ABCE1: variants seen among roughly 807,000 people sequenced by gnomAD.
The protein encoded by ABCE1 is ATP binding cassette subfamily E member 1, also known as ATP-binding cassette sub-family E member 1.
Under a neutral mutation model 83.4 loss-of-function variants are expected in ABCE1, and 22 were observed. The ratio of observed to expected loss-of-function variants is 0.26; its 90% CI spans 0.19 to 0.38. The LOEUF (loss-of-function observed/expected upper bound fraction) is 0.38. ABCE1 is among the 10% of genes least tolerant of loss of function. The probability of loss-of-function intolerance (pLI) is 1.00; values close to 1 mark genes in which losing one functional copy is unlikely to be tolerated. For synonymous variants in ABCE1, 204 were observed against 233.7 expected (o/e 0.87, Z 1.16); for missense variants, 330 against 721.9 (o/e 0.46, Z 6.22).
chr4:145,119,796 ACTT>A (rs1353226774), intron 10 of ABCE1, 133 bp from the exon 11 acceptor site: 2 of 617,684 alleles, frequency 3.2e-6, no homozygotes, highest in African/African-American at 1.9e-5. Flanking sequence ...TTTTTAAGTT[ACTT>A]CTTTATATGC....
intron 1 of ABCE1, among the ~76,000 whole-genome samples, chr4:145,099,253 AT>A (rs1358375267): frequency 6.6e-6 from 1 of 152,094 alleles, no homozygotes; most frequent in East Asian, 1.9e-4. Flanking sequence ...ACATAAGCTT[AT>A]TTTCTCTTTT....
At position 145,129,490 on chromosome 4, in the gene ABCE1, A is replaced by C. The variant is rs1398477303; in HGVS notation, c.*1917A>C. ...TACTACCATTTTTGTGAAAATATAC[A>C]AAATATTGAAATAAAGGAATACTCA... On this transcript the variant is annotated 3_prime_UTR_variant, in exon 18 of 18. Coordinates refer to ENST00000296577, the MANE Select transcript of ABCE1 (RefSeq NM_002940.3). Among the ~76,000 whole-genome samples, 1 of 152,210 alleles carries C rather than the reference A, an allele frequency of 6.6e-6. No individual in the cohort carries two copies. Among genetic ancestry groups the C allele is most frequent in the Admixed American group, 6.5e-5 (1 of 15,284 alleles).
In ABCE1 at chr4:145,123,365, T is replaced by A; in HGVS notation, c.1517+8T>A. The A allele has an allele frequency of 6.2e-7, 1 of 1,600,548 alleles. No individual in the cohort carries two copies. Among genetic ancestry groups the A allele is most frequent in the Non-Finnish European group, 8.5e-7 (1 of 1,172,202 alleles). On this transcript the variant is annotated splice_region_variant and intron_variant, in intron 15 of 17. Coordinates refer to ENST00000296577, the MANE Select transcript of ABCE1 (RefSeq NM_002940.3). ...AGCTCGAGTTGTCAAACGGTAAATA[T>A]CTTGCTCCTAGCCATATTTTGATTA...
At position 145,117,340 on chromosome 4, in the gene ABCE1, C is replaced by T. The variant is rs1419524132; in HGVS notation, c.848C>T (p.Ser283Phe). The T allele has an allele frequency of 6.2e-7, 1 of 1,610,112 alleles. No homozygotes were observed. Among genetic ancestry groups the T allele is most frequent in the Non-Finnish European group, 8.5e-7 (1 of 1,178,126 alleles). ...GATCTAAGTGTATTAGACTATCTCT[C>T]CGACTTCATCTGCTGTTTATATGGT... ...EHDLSVLDYL[S>F]DFICCLYGVP... The change falls in exon 10 of 18, where the codon TCC (serine) becomes TTC (phenylalanine). Residue 283 changes from serine to phenylalanine, a missense_variant. Ser to Phe is a radical substitution (Grantham distance 155). Transcript: ENST00000296577.
chr4:145,105,774 T>C (rs1184577442), intron 3 of ABCE1, 84 bp downstream of exon 3: 17 of 839,492 alleles, frequency 2.0e-5, no homozygotes, highest in Middle Eastern at 3.8e-4. Flanking sequence ...ATAACTACTT[T>C]AAGTGAGGCA....
intron 10 of ABCE1, among the ~76,000 whole-genome samples, chr4:145,119,390 T>A (rs1560963687): frequency 6.6e-6 from 1 of 151,972 alleles, no homozygotes; most frequent in Non-Finnish European, 1.5e-5. Flanking sequence ...TAATGGTTGT[T>A]ATCTTTGTAC....
At chr4:145,107,221 T>C (rs2126701784) in intron 3 of ABCE1, among the ~76,000 whole-genome samples, 1 of 152,200 alleles carries the variant, frequency 6.6e-6, no homozygotes, top group East Asian at 1.9e-4. Context: ...TCATATAAGA[T>C]AGATAAAAGT....
rs914623130 is a variant in ABCE1 at position 145,127,594 on chromosome 4, T to C, written c.*21T>C. On this transcript the variant is annotated 3_prime_UTR_variant, in exon 18 of 18. Coordinates refer to ENST00000296577, the MANE Select transcript of ABCE1 (RefSeq NM_002940.3). Reference sequence around the variant, plus strand: ...ATTAGACTGACTCTGAGAATATTGATAAGCCATTTATTAAAAGGAGTATTT... The same window carrying C: ...ATTAGACTGACTCTGAGAATATTGACAAGCCATTTATTAAAAGGAGTATTT... 1 of 1,528,364 alleles carries C rather than the reference T, an allele frequency of 6.5e-7. No individual in the cohort carries two copies. 94.7% of individuals were successfully genotyped at this position (1,528,364 alleles called of 1,614,324 possible).
chr4:145,110,964 G>A lies in ABCE1; in HGVS notation c.614-4G>A, dbSNP rs775176907. 1.9e-6 allele frequency: 3 copies of A among 1,601,852 alleles called. No individual in the cohort carries two copies. Among genetic ancestry groups the A allele is most frequent in the South Asian group, 2.2e-5 (2 of 89,434 alleles). On this transcript the variant is annotated splice_polypyrimidine_tract_variant and splice_region_variant and intron_variant, in intron 7 of 17. Coordinates refer to ENST00000296577, the MANE Select transcript of ABCE1 (RefSeq NM_002940.3). ...TGAGCACAATGCCTCTATGTTCTTT[G>A]TAGATTTAACCCACCTAAAAGAACG...
At chr4:145,106,104 C>T (rs1352720335) in intron 3 of ABCE1, among the ~76,000 whole-genome samples, 6 of 151,728 alleles carry the variant, frequency 4.0e-5, no homozygotes, top group Non-Finnish European at 7.4e-5. Flanking sequence ...TTGAATTTTT[C>T]CCAATAGTAT....
In ABCE1 at chr4:145,128,901, G is replaced by T. The variant is rs564889584; in HGVS notation, c.*1328G>T. On this transcript the variant is annotated 3_prime_UTR_variant, in exon 18 of 18. Coordinates refer to ENST00000296577, the MANE Select transcript of ABCE1 (RefSeq NM_002940.3). The stretch of plus-strand genomic sequence containing the variant: ...TAATTTCAGTAACCCATAAATACAT[G>T]TTGTAAAAAATTCAAATATACAGAA... 2.0e-5 allele frequency: 3 copies of T among 152,094 alleles called. No individual in the cohort carries two copies. The highest frequency in any genetic ancestry group is 1.3e-4 in the Admixed American group (2 of 15,258). 9.4% of individuals were successfully genotyped at this position (152,094 alleles called of 1,614,324 possible). A position where few individuals can be genotyped will look rare whatever the true frequency, so the allele number is the denominator to read the frequency against.
At chr4:145,106,359 T>C (rs1334788135) in intron 3 of ABCE1, among the ~76,000 whole-genome samples, 3 of 152,068 alleles carry the variant, frequency 2.0e-5, no homozygotes, top group African/African-American at 7.2e-5. Flanking sequence ...TTCTGAATCC[T>C]TGTTTAAGTA....
intron 13 of ABCE1, chr4:145,122,747 G>T: frequency 4.2e-6 from 1 of 238,966 alleles, no homozygotes; most frequent in Non-Finnish European, 8.1e-6. Flanking sequence ...GGAGGTTGAT[G>T]CTGCAGTGAG....
At chr4:145,101,074 AT>A (rs967478157) in intron 1 of ABCE1, among the ~76,000 whole-genome samples, 14 of 139,762 alleles carry the variant, frequency 1.0e-4, no homozygotes, top group East Asian at 3.9e-4. Context: ...TATAAAAAAA[AT>A]ATATATATGG....
intron 1 of ABCE1, among the ~76,000 whole-genome samples, chr4:145,099,579 A>G (rs1351587095): frequency 6.6e-6 from 1 of 152,188 alleles, no homozygotes; most frequent in East Asian, 1.9e-4. Context: ...AGCATCTAAC[A>G]ATTGGGAGAG....
intron 2 of ABCE1, 46 bp from the exon 3 acceptor site, chr4:145,105,559 T>C: frequency 7.2e-7 from 1 of 1,388,826 alleles, no homozygotes; most frequent in East Asian, 2.3e-5. Context: ...TTCGGAAAAT[T>C]AGAAGATCAA....
chr4:145,118,164 C>T (rs987335844), intron 10 of ABCE1, among the ~76,000 whole-genome samples: 1 of 151,094 alleles, frequency 6.6e-6, no homozygotes, highest in African/African-American at 2.4e-5. Context: ...GCTGTTTACT[C>T]AGGAAAAAAA....
chr4:145,107,264 C>A (rs931615007), intron 3 of ABCE1, among the ~76,000 whole-genome samples: 6 of 151,748 alleles, frequency 4.0e-5, no homozygotes, highest in Non-Finnish European at 8.8e-5. Context: ...CCAGTCTGTG[C>A]AAATATGCTA....
intron 1 of ABCE1, among the ~76,000 whole-genome samples, chr4:145,099,037 GT>G (rs1426475786): frequency 6.6e-6 from 1 of 152,160 alleles, no homozygotes; most frequent in African/African-American, 2.4e-5. Context: ...AAATCCTATA[GT>G]TTTTTTGGTA....
Sources: allele counts gnomAD v4.1 joint callset (sites outside exome capture counted in the v4.1 genomes callset), GRCh38; gene constraint gnomAD v4.1.1; transcripts MANE v1.5; gene names NCBI Gene and HGNC (gene_info 2026-07-23, HGNC 2026-07-21).